The following XCR1 variants were observed in gnomAD, a reference collection of about 807,000 sequenced individuals.
XCR1 encodes X-C motif chemokine receptor 1.
For synonymous variants in XCR1, 187 were observed against 188.5 expected, an observed-to-expected ratio of 0.99 and a Z score of 0.06; for missense variants, 356 against 424.2, an observed-to-expected ratio of 0.84 and a Z score of 1.41.
intron 4 of XCR1, among the ~76,000 whole-genome samples, chr3:46,062,694 A>G (rs1321734843): frequency 6.6e-6 from 1 of 152,246 alleles, no homozygotes; most frequent in Non-Finnish European, 1.5e-5. Context: ...ACAGGAGCTC[A>G]GGGCCATTCT....
At chr3:46,022,691 A>G (rs975423658) in intron 1 of XCR1, among the ~76,000 whole-genome samples, 3 of 152,238 alleles carry the variant, frequency 2.0e-5, no homozygotes, top group Non-Finnish European at 4.4e-5. Context: ...TTTATTTATA[A>G]AACTTAAATG....
rs1219362005 is a variant in XCR1, at chr3:46,017,784, G to A, written c.*3162C>T. 2.0e-5 allele frequency: 3 copies of A among 152,248 alleles called. No homozygotes were observed. The highest frequency in any genetic ancestry group is 2.0e-4 in the Admixed American group (3 of 15,286). The allele number at this position is 152,248 out of a possible 1,614,324, so 9.4% of individuals were successfully genotyped here. A position where few individuals can be genotyped will look rare whatever the true frequency, so the allele number is the denominator to read the frequency against. On this transcript the variant is annotated 3_prime_UTR_variant, in exon 2 of 2. Coordinates refer to ENST00000309285, the MANE Select transcript of XCR1 (RefSeq NM_001024644.2). ...TGGGTTTTTTTATGTTCCAGGAGTGGTTAGAGGTCTGCAGCTCTGTGTCCA... is the reference window on the plus strand; with the variant it reads ...TGGGTTTTTTTATGTTCCAGGAGTGATTAGAGGTCTGCAGCTCTGTGTCCA...
At chr3:46,052,808 C>T (rs921481805) in intron 5 of XCR1, among the ~76,000 whole-genome samples, 4 of 152,188 alleles carry the variant, frequency 2.6e-5, no homozygotes, top group Admixed American at 6.5e-5. Context: ...AGGAATCTGA[C>T]GCTTCACTGC....
In XCR1 at chr3:46,076,338, G is replaced by A. The variant is rs960043415; in HGVS notation, c.-328+402C>T. 5.3e-5 allele frequency among the ~76,000 whole-genome samples: 8 copies of A among 152,184 alleles called. No individual in the cohort carries two copies. The East Asian group carries it at 9.6e-4, about 18-fold the overall frequency. On this transcript the variant is annotated intron_variant, in intron 2 of 5. Transcript: ENST00000683768. ...CTGGCTTTGAGAGAAATTGTTGAAT[G>A]TAAGGTATGAGTCCTGCTGAAATCT...
rs755920719 is a variant in XCR1, at chr3:46,020,968, T to G, written c.980A>C (p.Tyr327Ser). The part of the protein sequence containing the change: ...SIPHSPGAFA[Y>S]EGASFY ...CCCTCAGTAGAAGGAGGCGCCCTCA[T>G]AGGCGAAGGCACCAGGGGAGTGGGG... Residue 327 changes from tyrosine to serine, a missense_variant, in exon 2 of 2, where the codon TAT (tyrosine) becomes TCT (serine). By Grantham distance (144) the Tyr-to-Ser change is moderately radical (BLOSUM62 -2). Transcript: ENST00000309285. 3.1e-6 allele frequency: 5 copies of G among 1,612,434 alleles called. No homozygotes were observed. Among genetic ancestry groups the G allele is most frequent in the Admixed American group, 1.7e-5 (1 of 59,818 alleles).
rs1708052356 is a variant in XCR1, at chr3:46,017,019, A to G, written c.*3927T>C. On this transcript the variant is annotated 3_prime_UTR_variant, in exon 2 of 2. Transcript: ENST00000309285. Reference sequence around the variant, plus strand: ...ATACATGCTAATCTTTTACTTGTGCATATTAACACAGTGAAGCTTTCTTGT... The same window carrying G: ...ATACATGCTAATCTTTTACTTGTGCGTATTAACACAGTGAAGCTTTCTTGT... 1 of 152,252 alleles carries G rather than the reference A, an allele frequency of 6.6e-6. No individual in the cohort carries two copies. Among genetic ancestry groups the G allele is most frequent in the African/African-American group, 2.4e-5 (1 of 41,462 alleles). 9.4% of individuals were successfully genotyped at this position (152,252 alleles called of 1,614,324 possible).
At chr3:46,055,240 C>T (rs1475659210) in intron 4 of XCR1, among the ~76,000 whole-genome samples, 2 of 152,122 alleles carry the variant, frequency 1.3e-5, no homozygotes, top group Admixed American at 1.3e-4. Flanking sequence ...CCTGTTGTTC[C>T]TATAGATAGG....
chr3:46,054,167 G>T (rs1177734512), intron 4 of XCR1, among the ~76,000 whole-genome samples: 1 of 152,136 alleles, frequency 6.6e-6, no homozygotes, highest in East Asian at 1.9e-4. Context: ...AGTGGACAAG[G>T]GCCCTGAGCT....
intron 3 of XCR1, among the ~76,000 whole-genome samples, chr3:46,071,753 T>G (rs559823777): frequency 6.6e-6 from 1 of 152,186 alleles, no homozygotes; most frequent in South Asian, 2.1e-4. Context: ...CTGATAAAAT[T>G]CAGCATCACC....
chr3:46,034,155 G>A (rs1697372772), intron 5 of XCR1, among the ~76,000 whole-genome samples: 1 of 152,000 alleles, frequency 6.6e-6, no homozygotes, highest in Non-Finnish European at 1.5e-5. Context: ...TGTATTTTTA[G>A]TAGACGGGGT....
chr3:46,077,260 A>G (rs1048021947), intron 1 of XCR1, among the ~76,000 whole-genome samples: 8 of 152,128 alleles, frequency 5.3e-5, no homozygotes, highest in Non-Finnish European at 1.0e-4. Context: ...ACCCATTTCT[A>G]GTATTACCAC....
At chr3:46,062,726 G>A (rs1697987207) in intron 4 of XCR1, among the ~76,000 whole-genome samples, 1 of 152,234 alleles carries the variant, frequency 6.6e-6, no homozygotes, top group African/African-American at 2.4e-5. Flanking sequence ...CCTAACATGG[G>A]CCATCCTTTC....
At chr3:46,075,850 A>T (rs1698250373) in intron 2 of XCR1, among the ~76,000 whole-genome samples, 1 of 152,246 alleles carries the variant, frequency 6.6e-6, no homozygotes, top group Admixed American at 6.5e-5. Flanking sequence ...ATGATAAGAT[A>T]TTATCACATA....
In XCR1 at chr3:46,021,321, G is replaced by A. The variant is rs1708140927; in HGVS notation, c.627C>T (p.Leu209=). ...TGGAGCGTGAGCGGAACAGGGTCCT[G>A]AGGATCTCCACGTAGCAGAACAGGA... ...GIILFCYVEI[L]RTLFRSRSKR... The change falls in exon 2 of 2, where the codon CTC becomes CTT. Residue 209 remains leucine, a synonymous_variant. Transcript: ENST00000309285. This position sits in a 1 kb window ranked among gnomAD's most constrained non-coding sequence, Gnocchi z 4.7. The A allele has an allele frequency of 6.2e-7, 1 of 1,614,200 alleles. No individual in the cohort carries two copies. Among genetic ancestry groups the A allele is most frequent in the African/African-American group, 1.3e-5 (1 of 75,052 alleles).
At chr3:46,077,535 G>A (rs1698283045) in intron 1 of XCR1, among the ~76,000 whole-genome samples, 1 of 151,964 alleles carries the variant, frequency 6.6e-6, no homozygotes, top group Non-Finnish European at 1.5e-5. Context: ...GAAATAAAGT[G>A]CACAATAAAT....
Position 46,049,326 on chromosome 3 carries a change from G to A in XCR1, c.-32+4594C>T, listed in dbSNP as rs185538601. On this transcript the variant is annotated intron_variant, in intron 5 of 5. Coordinates refer to the XCR1 transcript ENST00000683768. ...ATGGAACATGTGAGTAAGGGCGGAA[G>A]TATTTTGGTGCAGAAGCGCATGAGA... is the stretch of plus-strand genomic sequence containing the variant. Among the ~76,000 whole-genome samples the A allele has an allele frequency of 1.9e-3, 290 of 152,336 alleles. 2 individuals carry two copies. The highest frequency in any genetic ancestry group is 6.9e-3 in the African/African-American group (285 of 41,574).
rs776736000 is a variant in XCR1, at chr3:46,021,510, C to G, written c.438G>C (p.Arg146=). 19 of 1,612,642 alleles carry G rather than the reference C, an allele frequency of 1.2e-5. No homozygotes were observed. Among genetic ancestry groups the G allele is most frequent in the East Asian group, 2.2e-5 (1 of 44,808 alleles). The change falls in exon 2 of 2, where the codon CGG becomes CGC. Residue 146 remains arginine, a synonymous_variant. Coordinates refer to ENST00000309285, the MANE Select transcript of XCR1 (RefSeq NM_001024644.2). This position sits in a 1 kb window ranked among gnomAD's most constrained non-coding sequence, Gnocchi z 4.7. ...STLRVPTLRC[R]VLVTMAVWVA... ...CCCACACAGCCATGGTCACCAGCAC[C>G]CGGCAGCGGAGGGTGGGGACGCGCA...
At chr3:46,056,966 A>C (rs1008954524) in intron 4 of XCR1, among the ~76,000 whole-genome samples, 1 of 152,206 alleles carries the variant, frequency 6.6e-6, no homozygotes, top group Non-Finnish European at 1.5e-5. Context: ...AGTGTCCATC[A>C]GTGGGTGAAA....
intron 5 of XCR1, among the ~76,000 whole-genome samples, chr3:46,052,322 C>G (rs1417030708): frequency 3.9e-5 from 6 of 152,128 alleles, no homozygotes; most frequent in Non-Finnish European, 2.9e-5. Context: ...GAGGTCTGGG[C>G]TGGGGATGCC....
Sources: gnomAD v4.1 joint callset for allele counts (sites outside exome capture counted in the v4.1 genomes callset) on GRCh38, gnomAD v4.1.1 for gene constraint, Gnocchi (gnomAD v3.1) non-coding constraint, MANE v1.5 for transcripts, NCBI Gene and HGNC (gene_info 2026-07-23, HGNC 2026-07-21) for gene names.